GPHN: variants seen among roughly 807,000 people sequenced by gnomAD.
GPHN encodes gephyrin.
A neutral mutation model predicts 95.5 loss-of-function variants in GPHN; 17 were observed. The observed-to-expected ratio is 0.18, with a 90% CI of 0.12 to 0.27. The LOEUF (loss-of-function observed/expected upper bound fraction) is 0.27. Ranked by LOEUF, GPHN falls within the 10% of genes least tolerant of loss-of-function variation. GPHN has a pLI of 1.00. For synonymous variants in GPHN, 320 were observed against 322.5 expected, an observed-to-expected ratio of 0.99 and a Z score of 0.08; for missense variants, 660 against 978.1, an observed-to-expected ratio of 0.67 and a Z score of 4.34.
chr14:66,676,053 C>T (rs867606945), intron 1 of GPHN, among the ~76,000 whole-genome samples: 50 of 151,562 alleles, frequency 3.3e-4, no homozygotes, highest in African/African-American at 1.1e-3. Context: ...TTGTTACACA[C>T]ACATATATAT....
At chr14:67,612,793 A>T in the GPHN span, among the ~76,000 whole-genome samples, 2 of 152,102 alleles carry the variant, frequency 1.3e-5, no homozygotes, top group Non-Finnish European at 2.9e-5. Context: ...ATACAAAAAA[A>T]AATTAGCCAG....
At chr14:67,478,789 G>A in the GPHN span, among the ~76,000 whole-genome samples, 4 of 152,066 alleles carry the variant, frequency 2.6e-5, no homozygotes, top group African/African-American at 7.2e-5. Flanking sequence ...CTCCAGAGTT[G>A]TCTTCCCACT....
the GPHN span, chr14:67,200,243 C>T: frequency 2.2e-6 from 2 of 919,694 alleles, no homozygotes; most frequent in African/African-American, 3.5e-5. Context: ...CACCCTATGG[C>T]TACCAGCCTC....
At chr14:67,703,711 T>C in the GPHN span, among the ~76,000 whole-genome samples, 1 of 152,200 alleles carries the variant, frequency 6.6e-6, no homozygotes, top group African/African-American at 2.4e-5. Context: ...AGTTTCACTC[T>C]GTTGCCCAGG....
At chr14:66,627,880 T>C (rs935165961) in intron 1 of GPHN, among the ~76,000 whole-genome samples, 3 of 152,170 alleles carry the variant, frequency 2.0e-5, no homozygotes, top group African/African-American at 7.2e-5. Context: ...CATTAGTTCA[T>C]AGTTTTATTA....
intron 10 of GPHN, among the ~76,000 whole-genome samples, chr14:67,038,598 A>T (rs1286593107): frequency 6.6e-6 from 1 of 152,046 alleles, no homozygotes; most frequent in East Asian, 1.9e-4. Flanking sequence ...TAACAAGTGA[A>T]TTACTGATTC....
At chr14:67,629,862 G>C in the GPHN span, among the ~76,000 whole-genome samples, 1 of 152,206 alleles carries the variant, frequency 6.6e-6, no homozygotes. Flanking sequence ...GGATCCGATA[G>C]ATACTTGGCA....
At chr14:67,134,950 C>CTTTTTTTTTTTTTTTTTTT (rs2079966122) in intron 17 of GPHN, among the ~76,000 whole-genome samples, 2 of 48,986 alleles carry the variant, frequency 4.1e-5, no homozygotes, top group Admixed American at 2.0e-4. Context: ...TTCTTTCTTT[C>CTTTTTTTTTTTTTTTTTTT]TTCTTTTTTT....
the GPHN span, among the ~76,000 whole-genome samples, chr14:67,449,672 T>C: frequency 1.3e-5 from 2 of 152,158 alleles, no homozygotes; most frequent in Non-Finnish European, 2.9e-5. Context: ...CCAAATCTCA[T>C]CTTGTAGCTC....
the GPHN span, among the ~76,000 whole-genome samples, chr14:67,240,034 G>A: frequency 2.6e-5 from 4 of 152,170 alleles, no homozygotes; most frequent in Non-Finnish European, 4.4e-5. Flanking sequence ...CAAGAAGACA[G>A]TTCGGTTGTG....
intron 4 of GPHN, among the ~76,000 whole-genome samples, chr14:66,856,224 G>A (rs1567025112): frequency 6.6e-6 from 1 of 152,152 alleles, no homozygotes. Flanking sequence ...AAGTTAAGAT[G>A]TGGGAACATG....
the GPHN span, chr14:67,585,397 C>T: frequency 3.4e-6 from 2 of 589,242 alleles, no homozygotes; most frequent in Non-Finnish European, 6.1e-6. Context: ...CACAAGCAGC[C>T]TTGTCTATTT....
At chr14:67,065,975 C>T (rs947841840) in intron 11 of GPHN, among the ~76,000 whole-genome samples, 4 of 151,610 alleles carry the variant, frequency 2.6e-5, no homozygotes, top group African/African-American at 9.7e-5. Flanking sequence ...TTGATCCTGT[C>T]ATTATGATGT....
At chr14:67,137,366 C>T (rs2080152239) in intron 17 of GPHN, among the ~76,000 whole-genome samples, 1 of 151,776 alleles carries the variant, frequency 6.6e-6, no homozygotes, top group East Asian at 2.0e-4. Flanking sequence ...AGAATGGTCC[C>T]GATCTCCTGA....
the GPHN span, among the ~76,000 whole-genome samples, chr14:67,192,462 T>C: frequency 6.6e-6 from 1 of 152,042 alleles, no homozygotes; most frequent in African/African-American, 2.4e-5. Context: ...AGTAAGGTGA[T>C]TGGATCAGAG....
At chr14:67,302,306 C>G in the GPHN span, 2 of 1,088,608 alleles carry the variant, frequency 1.8e-6, no homozygotes, top group Non-Finnish European at 1.2e-6. Context: ...CTTAAGATAA[C>G]TGAAGGTTAG....
At chr14:66,686,296 G>A (rs1311743994) in intron 2 of GPHN, among the ~76,000 whole-genome samples, 2 of 152,162 alleles carry the variant, frequency 1.3e-5, no homozygotes, top group Non-Finnish European at 2.9e-5. Flanking sequence ...AGTCATGGTA[G>A]CTTGATAGGG....
At position 66,740,745 on chromosome 14, in the gene GPHN, A is replaced by T. The variant is rs148076138; in HGVS notation, c.144-35719A>T. The stretch of plus-strand genomic sequence containing the variant: ...GGATGAATAATAAAAGTTAGTGGAA[A>T]ATTTATAAAGAGTAAGGCCTTGAAT... On this transcript the variant is annotated intron_variant, in intron 2 of 22. Coordinates refer to ENST00000478722, the MANE Select transcript of GPHN (RefSeq NM_020806.5). Among the ~76,000 whole-genome samples the T allele has an allele frequency of 8.1e-4, 124 of 152,320 alleles. 1 individual carries two copies. The East Asian group carries it at 0.02, about 25-fold the overall frequency.
the GPHN span, chr14:67,587,327 C>T: frequency 7.3e-7 from 1 of 1,367,812 alleles, no homozygotes; most frequent in Non-Finnish European, 1.0e-6. Context: ...ACGGGTCTAA[C>T]AGCCCCCGGC....
Sources: allele counts gnomAD v4.1 joint callset (sites outside exome capture counted in the v4.1 genomes callset), GRCh38; gene constraint gnomAD v4.1.1; transcripts MANE v1.5; gene names NCBI Gene and HGNC (gene_info 2026-07-23, HGNC 2026-07-21).